CAMTA1: variants seen among roughly 807,000 people sequenced by gnomAD.
The protein encoded by CAMTA1 is calmodulin binding transcription activator 1.
In CAMTA1, 27 loss-of-function variants were observed where a neutral mutation model predicts 170.9. The observed-to-expected ratio is 0.16, with a 90% CI of 0.12 to 0.22. CAMTA1 has a LOEUF of 0.22. Ranked by LOEUF, CAMTA1 falls within the 10% of genes least tolerant of loss-of-function variation. The pLI is 1.00. For synonymous variants in CAMTA1, 833 were observed against 891.5 expected (o/e 0.93, Z 1.17); for missense variants, 1,619 against 2,217.2 (o/e 0.73, Z 5.42).
chr1:7,459,359 G>A (rs1006804745), intron 5 of CAMTA1, among the ~76,000 whole-genome samples: 3 of 152,154 alleles, frequency 2.0e-5, no homozygotes, highest in African/African-American at 4.8e-5. Context: ...TCTTGCCAAG[G>A]CCTCCCAGGA....
intron 4 of CAMTA1, among the ~76,000 whole-genome samples, chr1:7,247,582 C>T (rs999992850): frequency 6.6e-6 from 1 of 152,212 alleles, no homozygotes; most frequent in Non-Finnish European, 1.5e-5. Context: ...GCCACACTCT[C>T]ATGAGTGTCT....
At chr1:6,975,741 A>G (rs1166900178) in intron 3 of CAMTA1, among the ~76,000 whole-genome samples, 1 of 152,124 alleles carries the variant, frequency 6.6e-6, no homozygotes, top group Admixed American at 6.5e-5. Context: ...GCCACACTAC[A>G]ACCAATTTTA....
At chr1:7,601,403 C>T (rs552859563) in intron 6 of CAMTA1, among the ~76,000 whole-genome samples, 147 of 151,942 alleles carry the variant, frequency 9.7e-4, no homozygotes, top group African/African-American at 3.4e-3. Context: ...CAGAGACGCT[C>T]CTCACTTCCT....
At position 7,736,385 on chromosome 1, in the gene CAMTA1, C is replaced by A. The variant is rs764566483; in HGVS notation, c.3108C>A (p.Ser1036Arg). The change falls in exon 13 of 23, where the codon AGC (serine) becomes AGA (arginine). Residue 1036 changes from serine (S) to arginine (R), a missense_variant. Physicochemically the swap from Ser to Arg is moderately radical, Grantham distance 110 (BLOSUM62 -1). This residue lies in a region of CAMTA1 where 143 missense variants were observed against 184.2 expected (regional missense o/e 0.78). Coordinates refer to ENST00000303635, the MANE Select transcript of CAMTA1 (RefSeq NM_015215.4). This position sits in a 1 kb window ranked among gnomAD's most constrained non-coding sequence, Gnocchi z 4.5. ...GGGCCTTGGGGAGCTGCTTTGAGAG[C>A]CGTGTGGTCGTGGTATGCGAGAAGA... ...GTGALGSCFE[S>R]RVVVVCEKMM... The A allele has an allele frequency of 6.2e-7, 1 of 1,614,108 alleles. No individual in the cohort carries two copies. Among genetic ancestry groups the A allele is most frequent in the Admixed American group, 1.7e-5 (1 of 60,010 alleles).
intron 3 of CAMTA1, chr1:6,888,252 G>A (rs1673751641): frequency 4.1e-6 from 4 of 985,938 alleles, no homozygotes; most frequent in Non-Finnish European, 4.8e-6. Flanking sequence ...CCTTTAACTT[G>A]CCATTTATAA....
intron 3 of CAMTA1, among the ~76,000 whole-genome samples, chr1:6,975,059 G>A (rs781505178): frequency 2.0e-5 from 3 of 152,098 alleles, no homozygotes; most frequent in Admixed American, 6.5e-5. Context: ...GGTCCTTCTC[G>A]TGAAGGAGGC....
intron 1 of CAMTA1, among the ~76,000 whole-genome samples, chr1:6,792,401 CCTT>C (rs1641371938): frequency 6.7e-6 from 1 of 149,372 alleles, no homozygotes; most frequent in South Asian, 2.1e-4. Flanking sequence ...TGTATTGCAT[CCTT>C]CTGCTTTGAA....
intron 3 of CAMTA1, among the ~76,000 whole-genome samples, chr1:6,836,351 T>A (rs989390430): frequency 1.3e-5 from 2 of 151,862 alleles, no homozygotes; most frequent in East Asian, 3.9e-4. Flanking sequence ...TTTGGGAGAG[T>A]GTTTTCTCTG....
chr1:6,809,029 CTT>C (rs397979031), intron 1 of CAMTA1, among the ~76,000 whole-genome samples: 16 of 141,260 alleles, frequency 1.1e-4, no homozygotes, highest in Non-Finnish European at 1.4e-4. Flanking sequence ...TCTTCTTTTT[CTT>C]TTTTTTTTTT....
intron 3 of CAMTA1, among the ~76,000 whole-genome samples, chr1:6,830,049 T>A (rs530085876): frequency 9.2e-5 from 14 of 151,464 alleles, no homozygotes; most frequent in South Asian, 2.1e-4. Context: ...TTTTATTTTT[T>A]TTTTTGAGAC....
intron 3 of CAMTA1, among the ~76,000 whole-genome samples, chr1:6,937,049 G>A (rs369221287): frequency 7.3e-5 from 11 of 150,888 alleles, no homozygotes; most frequent in East Asian, 5.9e-4. Flanking sequence ...CATCACCACC[G>A]TCACCATTAT....
intron 5 of CAMTA1, among the ~76,000 whole-genome samples, chr1:7,328,162 C>G (rs1271164224): frequency 6.6e-6 from 1 of 152,072 alleles, no homozygotes; most frequent in Non-Finnish European, 1.5e-5. Flanking sequence ...ACTGGGCTTC[C>G]TTCTCGAATT....
rs1334400961 is a variant in CAMTA1 at position 7,144,871 on chromosome 1, C to A, written c.302+53500C>A. 6.6e-6 allele frequency among the ~76,000 whole-genome samples: 1 copy of A among 152,208 alleles called. No individual in the cohort carries two copies. The highest frequency in any genetic ancestry group is 1.5e-5 in the Non-Finnish European group (1 of 68,032). On this transcript the variant is annotated intron_variant, in intron 4 of 22. Coordinates refer to ENST00000303635, the MANE Select transcript of CAMTA1 (RefSeq NM_015215.4). The surrounding 1 kb of genome is among the most constrained non-coding windows in gnomAD (Gnocchi z 4.0). ...CCTAAGAATTCAACTTTAAGCTGGT[C>A]ATTTGTCCTCCACAACTACCTGGTG...
At chr1:6,867,313 C>T (rs947472006) in intron 3 of CAMTA1, among the ~76,000 whole-genome samples, 5 of 151,912 alleles carry the variant, frequency 3.3e-5, no homozygotes, top group Non-Finnish European at 7.4e-5. Context: ...AGATATTTAA[C>T]TTGTAGTTTT....
intron 6 of CAMTA1, among the ~76,000 whole-genome samples, chr1:7,636,152 C>A (rs370632777): frequency 1.3e-5 from 2 of 152,052 alleles, no homozygotes; most frequent in Non-Finnish European, 2.9e-5. Flanking sequence ...CGGGAAGGGA[C>A]CCCCCACCCC....
intron 4 of CAMTA1, among the ~76,000 whole-genome samples, chr1:7,175,930 T>C (rs1028379638): frequency 6.6e-6 from 1 of 152,222 alleles, no homozygotes; most frequent in Non-Finnish European, 1.5e-5. Flanking sequence ...ATTGATCTTG[T>C]CGGTGGTCCC....
At chr1:7,676,868 C>T (rs1426330226) in intron 10 of CAMTA1, among the ~76,000 whole-genome samples, 2 of 152,214 alleles carry the variant, frequency 1.3e-5, no homozygotes, top group East Asian at 1.9e-4. Flanking sequence ...AGGCTGGCTT[C>T]GTCTTACTCA....
intron 3 of CAMTA1, among the ~76,000 whole-genome samples, chr1:7,003,537 G>A (rs896932473): frequency 2.0e-5 from 3 of 152,190 alleles, no homozygotes; most frequent in African/African-American, 7.2e-5. Flanking sequence ...AGGTGCTGAT[G>A]GAATCCCAGC....
intron 6 of CAMTA1, among the ~76,000 whole-genome samples, chr1:7,640,042 G>A (rs141881449): frequency 2.0e-5 from 3 of 152,288 alleles, no homozygotes; most frequent in Middle Eastern, 3.4e-3. Context: ...CCTCATGCCC[G>A]TGGTTCCCAG....
Sources: allele counts gnomAD v4.1 joint callset (sites outside exome capture counted in the v4.1 genomes callset), GRCh38; gene constraint gnomAD v4.1.1; regional missense constraint gnomAD v4.1.1; non-coding constraint Gnocchi (gnomAD v3.1); transcripts MANE v1.5; gene names NCBI Gene and HGNC (gene_info 2026-07-23, HGNC 2026-07-21).